The following MRRF variants were observed in gnomAD, a reference collection of about 807,000 sequenced individuals.
MRRF encodes the protein mitochondrial ribosome recycling factor, also known as ribosome-recycling factor, mitochondrial.
Under a neutral mutation model 25.1 loss-of-function variants are expected in MRRF, and 18 were observed. The ratio of observed to expected loss-of-function variants is 0.72; its 90% CI spans 0.50 to 1.06. MRRF has a LOEUF of 1.06. Ranked by LOEUF, MRRF falls within the 50% of genes least tolerant of loss-of-function variation. The probability of loss-of-function intolerance (pLI) is 0.00; values close to 1 mark genes in which losing one functional copy is unlikely to be tolerated. For missense variants in MRRF, 323 were observed against 319.3 expected, an observed-to-expected ratio of 1.01 and a Z score of -0.09; for synonymous variants, 113 against 112.1, an observed-to-expected ratio of 1.01 and a Z score of -0.05.
intron 1 of MRRF, among the ~76,000 whole-genome samples, chr9:122,269,422 C>A (rs1345745122): frequency 6.6e-6 from 1 of 151,732 alleles, no homozygotes; most frequent in Non-Finnish European, 1.5e-5. Context: ...TTGTGTCTGA[C>A]CCTGGCATAA....
chr9:122,283,994 T>A (rs1267704314), intron 3 of MRRF, among the ~76,000 whole-genome samples: 2 of 151,348 alleles, frequency 1.3e-5, no homozygotes, highest in African/African-American at 4.9e-5. Flanking sequence ...GTTGTTGTTG[T>A]TGTTGTTGTT....
intron 5 of MRRF, among the ~76,000 whole-genome samples, chr9:122,292,853 T>G (rs946476876): frequency 6.6e-6 from 1 of 152,166 alleles, no homozygotes; most frequent in African/African-American, 2.4e-5. Context: ...GCAAAAGATT[T>G]AAATCCCTAT....
chr9:122,297,065 A>T (rs1834134312), intron 5 of MRRF, among the ~76,000 whole-genome samples: 1 of 152,232 alleles, frequency 6.6e-6, no homozygotes, highest in African/African-American at 2.4e-5. Flanking sequence ...CTGTAATCCC[A>T]GCACTTTGGG....
chr9:122,300,907 T>C (rs1443260035), intron 5 of MRRF, among the ~76,000 whole-genome samples: 1 of 152,218 alleles, frequency 6.6e-6, no homozygotes, highest in Non-Finnish European at 1.5e-5. Flanking sequence ...ATCTAGTGAC[T>C]AGTCCTGCCT....
intron 2 of MRRF, among the ~76,000 whole-genome samples, chr9:122,276,564 G>GT (rs1324269177): frequency 1.3e-5 from 2 of 152,174 alleles, no homozygotes; most frequent in African/African-American, 4.8e-5. Context: ...AGTGTTTAAA[G>GT]TTTTTCAAAC....
chr9:122,288,500 C>T (rs1833552893), intron 4 of MRRF, among the ~76,000 whole-genome samples: 1 of 152,236 alleles, frequency 6.6e-6, no homozygotes, highest in Non-Finnish European at 1.5e-5. Flanking sequence ...TTGAACATAT[C>T]TCTGTTGGAT....
chr9:122,290,473 C>G (rs1833692065), intron 4 of MRRF, among the ~76,000 whole-genome samples: 1 of 152,150 alleles, frequency 6.6e-6, no homozygotes, highest in South Asian at 2.1e-4. Flanking sequence ...TGTGGAAGTT[C>G]TGGTTTGTCT....
chr9:122,271,157 G>A, intron 2 of MRRF, 82 bp downstream of exon 2: 2 of 1,192,002 alleles, frequency 1.7e-6, no homozygotes. Context: ...TATCTCAGAT[G>A]TACTGAATTT....
chr9:122,313,470 CAG>C (rs1835326515), intron 6 of MRRF, 84 bp downstream of exon 6: 1 of 1,393,704 alleles, frequency 7.2e-7, no homozygotes, highest in Non-Finnish European at 1.0e-6. Context: ...ACAGTTAAAA[CAG>C]AATACCTCTG....
chr9:122,290,332 G>T (rs1015565730), intron 4 of MRRF, among the ~76,000 whole-genome samples: 2 of 152,108 alleles, frequency 1.3e-5, no homozygotes, highest in Non-Finnish European at 2.9e-5. Context: ...AAGAGACTTG[G>T]TTATGTCAGA....
chr9:122,266,940 C>T (rs1832135988), intron 1 of MRRF, among the ~76,000 whole-genome samples: 1 of 151,726 alleles, frequency 6.6e-6, no homozygotes, highest in South Asian at 2.1e-4. Flanking sequence ...TGTGGTGGCG[C>T]ACGCCTGTAA....
rs1038592391 is a variant in MRRF, at chr9:122,291,682, C to T, written c.460-67C>T. On this transcript the variant is annotated intron_variant, in intron 4 of 6. Transcript: ENST00000344641. ...TCTGCCAAGATGGGTTGCCAGTTAT[C>T]GACAGAGGGCTTGCATCTGGTAATA... The T allele has an allele frequency of 2.6e-5, 30 of 1,138,358 alleles. No homozygotes were observed. In the Admixed American group the frequency reaches 3.5e-4, roughly 13 times the overall value. 70.5% of individuals were successfully genotyped at this position (1,138,358 alleles called of 1,614,324 possible). A position where few individuals can be genotyped will look rare whatever the true frequency, so the allele number is the denominator to read the frequency against.
chr9:122,280,752 T>C (rs1833055320), intron 3 of MRRF, among the ~76,000 whole-genome samples, 154 bp downstream of exon 3: 1 of 152,200 alleles, frequency 6.6e-6, no homozygotes, highest in South Asian at 2.1e-4. Flanking sequence ...GTTTGATTCT[T>C]AACTTACAGC....
At chr9:122,288,634 G>A (rs894628951) in intron 4 of MRRF, among the ~76,000 whole-genome samples, 7 of 152,188 alleles carry the variant, frequency 4.6e-5, no homozygotes, top group African/African-American at 1.4e-4. Context: ...GACAGACTAT[G>A]TGTCTACTTT....
At position 122,331,322 on chromosome 9, in the gene MRRF, CCTTT is replaced by C. The variant is rs1362413831; in HGVS notation, c.*8708_*8711del. The C allele has an allele frequency of 6.6e-6, 1 of 152,148 alleles. No homozygotes were observed. Among genetic ancestry groups the C allele is most frequent in the East Asian group, 1.9e-4 (1 of 5,194 alleles). The allele number at this position is 152,148 out of a possible 1,614,324, so 9.4% of individuals were successfully genotyped here. On this transcript the variant is annotated 3_prime_UTR_variant, in exon 7 of 7. Coordinates refer to ENST00000344641, the MANE Select transcript of MRRF (RefSeq NM_138777.5). The stretch of plus-strand genomic sequence containing the variant: ...TCTTTTGTTTTTGGCATTAAAATAT[CCTTT>C]CTATTATAAAATGATAAGTTGGTGA...
intron 5 of MRRF, among the ~76,000 whole-genome samples, chr9:122,307,350 C>G (rs1834914723): frequency 6.6e-6 from 1 of 152,230 alleles, no homozygotes; most frequent in African/African-American, 2.4e-5. Context: ...CTGCTCCCCA[C>G]AGCTGCTGGA....
rs369186729 is a variant in MRRF at position 122,280,124 on chromosome 9, GTTAC to G, written c.185-317_185-314del. Among the ~76,000 whole-genome samples, 106 of 152,272 alleles carry G rather than the reference GTTAC, an allele frequency of 7.0e-4. 1 individual carries two copies. The highest frequency in any genetic ancestry group is 2.5e-3 in the African/African-American group (105 of 41,552). The stretch of plus-strand genomic sequence containing the variant: ...CTTGTAGCAACCTTGCAATATAGAT[GTTAC>G]TATTCTTTTACAGGTAGGGAACTTG... On this transcript the variant is annotated intron_variant, in intron 2 of 6. Coordinates refer to ENST00000344641, the MANE Select transcript of MRRF (RefSeq NM_138777.5).
intron 5 of MRRF, among the ~76,000 whole-genome samples, chr9:122,298,143 G>A (rs753444646): frequency 7.2e-5 from 11 of 152,134 alleles, no homozygotes; most frequent in Admixed American, 3.9e-4. Context: ...TTGTAAGTCT[G>A]TATTCTTGCA....
chr9:122,308,426 C>T lies in MRRF; in HGVS notation c.552-4801C>T, dbSNP rs1170069582. 3.5e-5 allele frequency among the ~76,000 whole-genome samples: 5 copies of T among 141,524 alleles called. No homozygotes were observed. In the East Asian group the frequency reaches 1.0e-3, roughly 29 times the overall value. 92.8% of individuals were successfully genotyped at this position (141,524 alleles called of 152,430 possible). A position where few individuals can be genotyped will look rare whatever the true frequency, so the allele number is the denominator to read the frequency against. ...TTTTAAGATGGGGTCAGGCCGGATG[C>T]GGTGGCTGACGCCTGTAATCCCAGC... On this transcript the variant is annotated intron_variant, in intron 5 of 6. Transcript: ENST00000344641.
Sources: gnomAD v4.1 joint callset for allele counts (sites outside exome capture counted in the v4.1 genomes callset) on GRCh38, gnomAD v4.1.1 for gene constraint, MANE v1.5 for transcripts, NCBI Gene and HGNC (gene_info 2026-07-23, HGNC 2026-07-21) for gene names.